The following RABL2B variants were observed in gnomAD, a reference collection of about 807,000 sequenced individuals.
RABL2B encodes rab-like protein 2B.
A neutral mutation model predicts 26.7 loss-of-function variants in RABL2B; 17 were observed. That is an observed-to-expected ratio of 0.64 (90% CI 0.44 to 0.95). The LOEUF (loss-of-function observed/expected upper bound fraction) is 0.95. Among genes scored for constraint, RABL2B ranks in the 40% least tolerant of loss-of-function variants. The pLI is 0.00. For synonymous variants in RABL2B, 70 were observed against 103.9 expected, an observed-to-expected ratio of 0.67 and a Z score of 1.99; for missense variants, 170 against 277.2, an observed-to-expected ratio of 0.61 and a Z score of 2.75.
At chr22:50,780,697 C>G in intron 2 of RABL2B, 1 of 470,762 alleles carries the variant, frequency 2.1e-6, no homozygotes, top group Middle Eastern at 3.3e-4. Flanking sequence ...ATGAAGACTG[C>G]CTTGTTTTCT....
In RABL2B at chr22:50,768,734, G is replaced by A. The variant is rs782600709; in HGVS notation, c.*42C>T. 1 of 1,601,168 alleles carries A rather than the reference G, an allele frequency of 6.2e-7. No homozygotes were observed. The highest frequency in any genetic ancestry group is 8.5e-7 in the Non-Finnish European group (1 of 1,175,372). On this transcript the variant is annotated 3_prime_UTR_variant, in exon 9 of 9. Coordinates refer to ENST00000691320, the MANE Select transcript of RABL2B (RefSeq NM_001130919.3). ...AGAGCTGGAGAGTTGTTGAAGGGAAGGGTATTTTAAAAGGGCTCCACCCAC... is the reference window on the plus strand; with the variant it reads ...AGAGCTGGAGAGTTGTTGAAGGGAAAGGTATTTTAAAAGGGCTCCACCCAC...
intron 2 of RABL2B, chr22:50,780,660 A>G (rs1569192257): frequency 2.1e-6 from 1 of 470,488 alleles, no homozygotes; most frequent in Non-Finnish European, 4.4e-6. Flanking sequence ...ATCTGGGACA[A>G]CCTTTTGCCT....
chr22:50,767,519 G>C lies in RABL2B; in HGVS notation c.*1257C>G, dbSNP rs9628249. ...ATTTACTCAATGTTTATGTAATTCA[G>C]CCTTTACTGTAAAAAAGGAAACAAC... On this transcript the variant is annotated 3_prime_UTR_variant, in exon 9 of 9. Coordinates refer to ENST00000691320, the MANE Select transcript of RABL2B (RefSeq NM_001130919.3). 2.5e-4 allele frequency: 83 copies of C among 337,312 alleles called. No homozygotes were observed. In the East Asian group the frequency reaches 7.2e-3, roughly 29 times the overall value. The allele number at this position is 337,312 out of a possible 1,614,324, so 20.9% of individuals were successfully genotyped here. A position where few individuals can be genotyped will look rare whatever the true frequency, so the allele number is the denominator to read the frequency against.
chr22:50,775,844 C>A lies in RABL2B; in HGVS notation c.225G>T (p.Trp75Cys). Reference protein sequence around the residue: ...VDGRTILVDFWDTAGQERFQS... With the variant: ...VDGRTILVDFCDTAGQERFQS... ...GGAACCGCTCCTGGCCTGCCGTGTC[C>A]CAAAAGTCTGCAATGTGAACACAGA... The change falls in exon 5 of 9, where the codon TGG becomes TGT. Residue 75 changes from tryptophan to cysteine, a missense_variant. Around this residue, in one of 2 missense-constraint regions of RABL2B, gnomAD observed 165 missense variants for 232.0 expected, o/e 0.71. Transcript: ENST00000691320. The A allele has an allele frequency of 6.2e-7, 1 of 1,614,160 alleles. No homozygotes were observed. The highest frequency in any genetic ancestry group is 8.5e-7 in the Non-Finnish European group (1 of 1,180,024).
intron 2 of RABL2B, 33 bp from the exon 3 acceptor site, chr22:50,778,014 C>T (rs1267195408): frequency 5.0e-6 from 8 of 1,613,866 alleles, no homozygotes; most frequent in African/African-American, 1.3e-5. Flanking sequence ...GGTCAGATGG[C>T]GTCTCCATCT....
chr22:50,774,475 T>C (rs1429548266), intron 5 of RABL2B, among the ~76,000 whole-genome samples: 3 of 149,070 alleles, frequency 2.0e-5, no homozygotes, highest in Admixed American at 6.6e-5. Flanking sequence ...ACACGGGGAG[T>C]AGAACCTGCT....
chr22:50,777,315 G>T (rs566665466), intron 3 of RABL2B, among the ~76,000 whole-genome samples: 81 of 151,964 alleles, frequency 5.3e-4, no homozygotes, highest in Middle Eastern at 3.4e-3. Flanking sequence ...GGCTGGGTGT[G>T]CAGGAGCACT....
intron 2 of RABL2B, among the ~76,000 whole-genome samples, chr22:50,780,390 G>T (rs531489656): frequency 1.2e-3 from 181 of 147,734 alleles, no homozygotes; most frequent in Non-Finnish European, 1.8e-3. Flanking sequence ...ATGAACACAA[G>T]TGTTAACTTT....
rs782583675 is a variant in RABL2B at position 50,775,855 on chromosome 22, C to A, written c.218-4G>T. ...TGGCCTGCCGTGTCCCAAAAGTCTG[C>A]AATGTGAACACAGACAGACCTACAT... On this transcript the variant is annotated splice_region_variant and splice_polypyrimidine_tract_variant and intron_variant, in intron 4 of 8. Coordinates refer to ENST00000691320, the MANE Select transcript of RABL2B (RefSeq NM_001130919.3). 6.2e-7 allele frequency: 1 copy of A among 1,614,084 alleles called. No individual in the cohort carries two copies. The highest frequency in any genetic ancestry group is 8.5e-7 in the Non-Finnish European group (1 of 1,180,042).
At chr22:50,774,309 C>T (rs1399130571) in intron 5 of RABL2B, among the ~76,000 whole-genome samples, 2 of 151,756 alleles carry the variant, frequency 1.3e-5, no homozygotes, top group Non-Finnish European at 2.9e-5. Context: ...TTTCTTCCCT[C>T]TGTGACTATG....
chr22:50,776,695 C>T lies in RABL2B; in HGVS notation c.192G>A (p.Thr64=), dbSNP rs150811755. 8,554 of 1,611,582 alleles carry T rather than the reference C, an allele frequency of 5.3e-3. 71 individuals are homozygous for T. The highest frequency in any genetic ancestry group is 0.021 in the South Asian group (1,942 of 90,414). The change falls in exon 4 of 9, where the codon ACG becomes ACA. Residue 64 remains threonine (T), a synonymous_variant. Transcript: ENST00000691320. ...CCACAAGGATGGTCCTTCCATCTAC[C>T]GTGGCTGTGTGCTTGTACAGGGTCA... The part of the protein sequence containing the change: ...YALTLYKHTA[T]VDGRTILVDF...
At position 50,783,487 on chromosome 22, in the gene RABL2B, G is replaced by C. The variant is rs2147489946; in HGVS notation, c.-54+14C>G. 6.6e-6 allele frequency: 1 copy of C among 152,312 alleles called. No homozygotes were observed. The highest frequency in any genetic ancestry group is 1.9e-4 in the East Asian group (1 of 5,176). 9.4% of individuals were successfully genotyped at this position (152,312 alleles called of 1,614,324 possible). On this transcript the variant is annotated intron_variant, in intron 1 of 8. Transcript: ENST00000691320. ...CGCGTGCTAAGCCAGCCACCGGGGC[G>C]GATTTGCCCTCACGTGCGGTTCCGA...
intron 4 of RABL2B, among the ~76,000 whole-genome samples, chr22:50,776,371 G>A (rs1281536701): frequency 6.6e-6 from 1 of 152,182 alleles, no homozygotes; most frequent in Non-Finnish European, 1.5e-5. Flanking sequence ...CTCGTCGAAG[G>A]CCTCTTACGT....
intron 4 of RABL2B, 126 bp downstream of exon 4, chr22:50,776,544 C>G: frequency 7.2e-7 from 1 of 1,386,086 alleles, no homozygotes; most frequent in Non-Finnish European, 9.8e-7. Context: ...TCTAGCACCC[C>G]TTGTCCCTGC....
At chr22:50,781,022 G>A (rs1171606601) in intron 2 of RABL2B, among the ~76,000 whole-genome samples, 1 of 152,058 alleles carries the variant, frequency 6.6e-6, no homozygotes, top group Admixed American at 6.5e-5. Flanking sequence ...GCGTGCTGTT[G>A]AGGATGGTCA....
chr22:50,781,014 G>A (rs547883691), intron 2 of RABL2B, among the ~76,000 whole-genome samples: 2 of 152,000 alleles, frequency 1.3e-5, no homozygotes, highest in East Asian at 1.9e-4. Flanking sequence ...CTGTACAGGC[G>A]TGCTGTTGAG....
intron 3 of RABL2B, 69 bp from the exon 4 acceptor site, chr22:50,776,818 T>C (rs1246053824): frequency 1.3e-6 from 2 of 1,544,114 alleles, no homozygotes; most frequent in Admixed American, 2.0e-5. Context: ...CAGGGGTGTT[T>C]GGTTTGATGA....
intron 2 of RABL2B, among the ~76,000 whole-genome samples, chr22:50,779,995 C>A (rs2085554016): frequency 6.6e-6 from 1 of 152,018 alleles, no homozygotes; most frequent in Admixed American, 6.6e-5. Context: ...AAACAAAAAA[C>A]CATGTCTTGT....
At chr22:50,781,925 T>C (rs1269247115) in intron 2 of RABL2B, among the ~76,000 whole-genome samples, 1 of 148,868 alleles carries the variant, frequency 6.7e-6, no homozygotes, top group Admixed American at 6.7e-5. Flanking sequence ...ACAAACCACA[T>C]ACAATGTCCT....
Sources: allele counts gnomAD v4.1 joint callset (sites outside exome capture counted in the v4.1 genomes callset), GRCh38; gene constraint gnomAD v4.1.1; regional missense constraint gnomAD v4.1.1; transcripts MANE v1.5; gene names NCBI Gene and HGNC (gene_info 2026-07-23, HGNC 2026-07-21).